The following DCTN4 variants were observed in gnomAD, a reference collection of about 807,000 sequenced individuals.
DCTN4 encodes the protein dynactin 4 (p62).
DCTN4 carries 23 observed loss-of-function variants against 62.7 expected under a neutral mutation model. The observed-to-expected ratio is 0.37, with a 90% confidence interval of 0.26 to 0.52. DCTN4 has a LOEUF of 0.52. DCTN4 is among the 20% of genes least tolerant of loss of function. The pLI is 0.92. For synonymous variants in DCTN4, 199 were observed against 202.1 expected (o/e 0.98, Z 0.13); for missense variants, 514 against 580.4 (o/e 0.89, Z 1.18).
At chr5:150,725,104 G>A (rs1178781198) in intron 8 of DCTN4, among the ~76,000 whole-genome samples, 1 of 143,972 alleles carries the variant, frequency 6.9e-6, no homozygotes, top group Non-Finnish European at 1.5e-5. Context: ...CTTGCAGTGA[G>A]CCGAGATCAC....
chr5:150,744,231 G>T (rs1482723796), intron 3 of DCTN4, among the ~76,000 whole-genome samples: 1 of 145,614 alleles, frequency 6.9e-6, no homozygotes, highest in Non-Finnish European at 1.5e-5. Flanking sequence ...GAGAAGGGAA[G>T]TTTAGAGAAA....
chr5:150,756,859 T>C (rs1752883366), intron 1 of DCTN4, among the ~76,000 whole-genome samples: 1 of 152,216 alleles, frequency 6.6e-6, no homozygotes. Flanking sequence ...TAGCTTTATA[T>C]GACTATAAAA....
intron 1 of DCTN4, among the ~76,000 whole-genome samples, chr5:150,757,283 T>C (rs1322159639): frequency 6.6e-6 from 1 of 152,218 alleles, no homozygotes; most frequent in East Asian, 1.9e-4. Flanking sequence ...ACAATATTGC[T>C]AACTAACCTC....
chr5:150,716,921 A>G (rs1320144081), intron 11 of DCTN4, among the ~76,000 whole-genome samples: 1 of 151,910 alleles, frequency 6.6e-6, no homozygotes, highest in Non-Finnish European at 1.5e-5. Context: ...CCGTCTCAAA[A>G]AAAAAAAAGC....
chr5:150,716,351 A>G (rs1759757575), intron 11 of DCTN4, among the ~76,000 whole-genome samples: 1 of 152,200 alleles, frequency 6.6e-6, no homozygotes, highest in Non-Finnish European at 1.5e-5. Flanking sequence ...TTGACATGGT[A>G]CCAGCTGATT....
chr5:150,715,136 G>C (rs1445282734), intron 12 of DCTN4, among the ~76,000 whole-genome samples: 1 of 119,256 alleles, frequency 8.4e-6, no homozygotes, highest in Non-Finnish European at 1.6e-5. Flanking sequence ...ATATGAGAGA[G>C]TAAAATCTAT....
rs199826120 is a variant in DCTN4, at chr5:150,729,041, G to GC, written c.834+1589dup. Among the ~76,000 whole-genome samples, 58 of 79,142 alleles carry GC rather than the reference G, an allele frequency of 7.3e-4. 8 individuals carry two copies. Among genetic ancestry groups the GC allele is most frequent in the African/African-American group, 5.0e-3 (53 of 10,658 alleles). 51.9% of individuals were successfully genotyped at this position (79,142 alleles called of 152,430 possible). On this transcript the variant is annotated intron_variant, in intron 8 of 12. Coordinates refer to ENST00000447998, the MANE Select transcript of DCTN4 (RefSeq NM_016221.4). ...TACAAGTGTGTGAACCACCACACTG[G>GC]CTTTTTTTTTTTTTTTTTTTTTTTT... is the stretch of plus-strand genomic sequence containing the variant.
intron 2 of DCTN4, 24 bp from the exon 3 acceptor site, chr5:150,753,681 T>C (rs1308259988): frequency 1.3e-6 from 2 of 1,595,404 alleles, no homozygotes; most frequent in Admixed American, 3.5e-5. Context: ...AACACAACCA[T>C]TCATTCAACA....
At position 150,709,645 on chromosome 5, in the gene DCTN4, G is replaced by C. The variant is rs185283566; in HGVS notation, c.*1504C>G. The C allele has an allele frequency of 6.6e-6, 1 of 152,378 alleles. No individual in the cohort carries two copies. The highest frequency in any genetic ancestry group is 1.9e-4 in the East Asian group (1 of 5,320). The allele number at this position is 152,378 out of a possible 1,614,324, so 9.4% of individuals were successfully genotyped here. ...TCTGTAGGACTGTTTCATAAAATTGGCTTGACCTTTGTACAATTAGTACAA... is the reference window on the plus strand; with the variant it reads ...TCTGTAGGACTGTTTCATAAAATTGCCTTGACCTTTGTACAATTAGTACAA... On this transcript the variant is annotated 3_prime_UTR_variant, in exon 13 of 13. Transcript: ENST00000447998.
chr5:150,751,279 C>T (rs187429330), intron 3 of DCTN4, among the ~76,000 whole-genome samples: 9 of 152,160 alleles, frequency 5.9e-5, no homozygotes, highest in Admixed American at 3.3e-4. Flanking sequence ...ATTATCTGTA[C>T]GCTTTAAGAG....
intron 3 of DCTN4, among the ~76,000 whole-genome samples, chr5:150,751,609 T>C (rs1752678925): frequency 6.6e-6 from 1 of 152,180 alleles, no homozygotes; most frequent in Non-Finnish European, 1.5e-5. Context: ...ATACTGACAC[T>C]AAAACATATA....
chr5:150,742,002 G>A (rs1405358788), intron 4 of DCTN4, 112 bp downstream of exon 4: 3 of 882,056 alleles, frequency 3.4e-6, no homozygotes, highest in East Asian at 4.8e-5. Flanking sequence ...GTGCAAAGAC[G>A]TATTATGGAC....
Position 150,708,778 on chromosome 5 carries a change from A to AAGTT in DCTN4, c.*2367_*2370dup, listed in dbSNP as rs1257846951. ...TTTGTCTGCTTTATTTCACTACATT[A>AAGTT]AGTTAAGCAATAAGGCAAAACAGTA... On this transcript the variant is annotated 3_prime_UTR_variant, in exon 13 of 13. Coordinates refer to ENST00000447998, the MANE Select transcript of DCTN4 (RefSeq NM_016221.4). The AAGTT allele has an allele frequency of 9.2e-5, 14 of 152,824 alleles. No homozygotes were observed. The highest frequency in any genetic ancestry group is 9.2e-4 in the Admixed American group (14 of 15,288). The allele number at this position is 152,824 out of a possible 1,614,324, so 9.5% of individuals were successfully genotyped here. A position where few individuals can be genotyped will look rare whatever the true frequency, so the allele number is the denominator to read the frequency against.
rs1266636694 is a variant in DCTN4 at position 150,748,350 on chromosome 5, T to C, written c.385+5129A>G. 3.3e-5 allele frequency among the ~76,000 whole-genome samples: 5 copies of C among 151,612 alleles called. No individual in the cohort carries two copies. In the East Asian group the frequency reaches 7.8e-4, roughly 24 times the overall value. ...TTACACTGTTGGTGGGACTGTAAAC[T>C]AGTTCAACCGTTGTGGAAGTCAGTG... On this transcript the variant is annotated intron_variant, in intron 3 of 12. Coordinates refer to ENST00000447998, the MANE Select transcript of DCTN4 (RefSeq NM_016221.4).
intron 5 of DCTN4, chr5:150,731,873 AAGG>A (rs1439769720): frequency 1.3e-6 from 2 of 1,551,456 alleles, no homozygotes; most frequent in Admixed American, 3.9e-5. Context: ...AAGAATCATA[AAGG>A]AGAACTTACC....
Position 150,730,710 on chromosome 5 carries a change from G to A in DCTN4, c.755C>T (p.Pro252Leu), listed in dbSNP as rs766593530. The change falls in exon 8 of 13, where the codon CCT becomes CTT. Residue 252 changes from proline to leucine, a missense_variant. Physicochemically the swap from Pro to Leu is moderately conservative, Grantham distance 98. Coordinates refer to ENST00000447998, the MANE Select transcript of DCTN4 (RefSeq NM_016221.4). ...TGAAGCACAGACTGGCTGGAAGTCA[G>A]GCTGTAACAGACGCTGCTGAAGGGT... ...VTTLQQRLLQ[P>L]DFQPVCASQL... The A allele has an allele frequency of 1.9e-6, 3 of 1,613,970 alleles. No individual in the cohort carries two copies. In the African/African-American group the frequency reaches 4.0e-5, roughly 22 times the overall value.
In DCTN4 at chr5:150,733,327, C is replaced by T. The variant is rs188930050; in HGVS notation, c.537+41G>A. 73 of 1,417,368 alleles carry T rather than the reference C, an allele frequency of 5.2e-5. 1 individual carries two copies. The South Asian group carries it at 5.7e-4, about 11-fold the overall frequency. 87.8% of individuals were successfully genotyped at this position (1,417,368 alleles called of 1,614,324 possible). A position where few individuals can be genotyped will look rare whatever the true frequency, so the allele number is the denominator to read the frequency against. On this transcript the variant is annotated intron_variant, in intron 5 of 12. Coordinates refer to ENST00000447998, the MANE Select transcript of DCTN4 (RefSeq NM_016221.4). Reference sequence around the variant, plus strand: ...TTCTGAAATGATCACTGTTCTTAGGCCTTAGAGGTCTTGCAAATCATTTTA... The same window carrying T: ...TTCTGAAATGATCACTGTTCTTAGGTCTTAGAGGTCTTGCAAATCATTTTA...
chr5:150,719,116 G>A lies in DCTN4; in HGVS notation c.963+600C>T, dbSNP rs529487211. ...ATTACAGGTATGAGCCACCGTGCCC[G>A]ACCTTATAAAAACTTTTTAAGACTT... On this transcript the variant is annotated intron_variant, in intron 10 of 12. Transcript: ENST00000447998. Among the ~76,000 whole-genome samples, 78 of 152,246 alleles carry A rather than the reference G, an allele frequency of 5.1e-4. No individual in the cohort carries two copies. The Middle Eastern group carries it at 0.014, about 27-fold the overall frequency.
intron 4 of DCTN4, among the ~76,000 whole-genome samples, chr5:150,739,623 G>C (rs1459915103): frequency 1.3e-5 from 2 of 152,212 alleles, no homozygotes; most frequent in Non-Finnish European, 2.9e-5. Flanking sequence ...CATAGCCAAA[G>C]CAAGACTAAG....
Sources: gnomAD v4.1 joint callset for allele counts (sites outside exome capture counted in the v4.1 genomes callset) on GRCh38, gnomAD v4.1.1 for gene constraint, MANE v1.5 for transcripts, NCBI Gene and HGNC (gene_info 2026-07-23, HGNC 2026-07-21) for gene names.